The following EDIL3 variants were observed in gnomAD, a reference collection of about 807,000 sequenced individuals.
The protein encoded by EDIL3 is EGF-like repeat and discoidin I-like domain-containing protein 3.
Under a neutral mutation model 67.4 loss-of-function variants are expected in EDIL3, and 37 were observed. The ratio of observed to expected loss-of-function variants is 0.55; its 90% confidence interval spans 0.42 to 0.72. EDIL3 has a LOEUF of 0.72. Among genes scored for constraint, EDIL3 ranks in the 30% least tolerant of loss-of-function variants. The pLI is 0.00. For missense variants in EDIL3, 527 were observed against 586.3 expected (o/e 0.90, Z 1.04); for synonymous variants, 195 against 196.3 (o/e 0.99, Z 0.05).
intron 1 of EDIL3, among the ~76,000 whole-genome samples, chr5:84,306,941 G>T (rs913584753): frequency 3.3e-5 from 5 of 152,244 alleles, no homozygotes; most frequent in South Asian, 2.1e-4. Flanking sequence ...CACAATACTT[G>T]ATACACAGTG....
At chr5:84,214,382 C>T (rs1216137725) in intron 3 of EDIL3, among the ~76,000 whole-genome samples, 2 of 152,006 alleles carry the variant, frequency 1.3e-5, no homozygotes, top group African/African-American at 2.4e-5. Flanking sequence ...TATTTGCATA[C>T]AACCTATGTA....
At chr5:84,061,653 G>T (rs574382000) in intron 8 of EDIL3, among the ~76,000 whole-genome samples, 1 of 152,152 alleles carries the variant, frequency 6.6e-6, no homozygotes, top group African/African-American at 2.4e-5. Flanking sequence ...CTGTAAGATG[G>T]TGATAATAAT....
At chr5:84,230,158 T>G (rs2112043325) in intron 2 of EDIL3, among the ~76,000 whole-genome samples, 1 of 152,220 alleles carries the variant, frequency 6.6e-6, no homozygotes, top group South Asian at 2.1e-4. Context: ...AGAAAAAAAT[T>G]GAATTGTCTG....
chr5:84,102,653 G>T (rs1041129706), intron 6 of EDIL3, among the ~76,000 whole-genome samples: 3 of 150,500 alleles, frequency 2.0e-5, no homozygotes, highest in African/African-American at 7.3e-5. Flanking sequence ...ACCCTCCTAG[G>T]AATACAGCTT....
rs891297853 is a variant in EDIL3, at chr5:84,297,863, A to G, written c.68-43651T>C. ...CAAGAAACAAGGAGCCAGCAAGTCT[A>G]GACACATTCCAGAGCCACGAGCCCT... On this transcript the variant is annotated intron_variant, in intron 1 of 10. Transcript: ENST00000296591. 3.9e-5 allele frequency among the ~76,000 whole-genome samples: 6 copies of G among 152,176 alleles called. No homozygotes were observed. The East Asian group carries it at 7.7e-4, about 20-fold the overall frequency.
At chr5:84,218,210 G>A (rs1744270704) in intron 3 of EDIL3, among the ~76,000 whole-genome samples, 2 of 152,080 alleles carry the variant, frequency 1.3e-5, no homozygotes, top group Non-Finnish European at 2.9e-5. Context: ...AAAATTTTGT[G>A]TTTTGGCTGT....
chr5:84,006,385 AAACAT>A (rs773791234), intron 9 of EDIL3, among the ~76,000 whole-genome samples: 4 of 143,752 alleles, frequency 2.8e-5, no homozygotes, highest in African/African-American at 5.5e-5. Flanking sequence ...AAACAAAACA[AAACAT>A]AACAGAATCA....
intron 9 of EDIL3, among the ~76,000 whole-genome samples, chr5:84,005,334 T>C (rs1745393507): frequency 6.6e-6 from 1 of 152,066 alleles, no homozygotes; most frequent in Non-Finnish European, 1.5e-5. Flanking sequence ...ATGAGGACAG[T>C]ATCATTCTGA....
chr5:84,334,069 T>C (rs1746934151), intron 1 of EDIL3, among the ~76,000 whole-genome samples: 1 of 40,566 alleles, frequency 2.5e-5, no homozygotes, highest in African/African-American at 9.4e-5. Context: ...AAGAGTTGAT[T>C]TTTTTTTTTT....
rs73146557 is a variant in EDIL3, at chr5:84,381,913, T to C, written c.67+2395A>G. 2.3e-3 allele frequency among the ~76,000 whole-genome samples: 354 copies of C among 152,284 alleles called. 1 individual carries two copies. The highest frequency in any genetic ancestry group is 8.3e-3 in the African/African-American group (343 of 41,550). On this transcript the variant is annotated intron_variant, in intron 1 of 10. Transcript: ENST00000296591. ...AATCCCAGGCATTAATGCAAGTAAA[T>C]TGCAACCCATACGTAGGGAAAACAC...
chr5:84,147,029 C>T (rs548651369), intron 4 of EDIL3, among the ~76,000 whole-genome samples: 13 of 152,228 alleles, frequency 8.5e-5, no homozygotes, highest in African/African-American at 2.9e-4. Flanking sequence ...AAACCCTCCC[C>T]TACACCCACA....
At chr5:83,954,460 T>C (rs1488205762) in intron 10 of EDIL3, among the ~76,000 whole-genome samples, 1 of 151,534 alleles carries the variant, frequency 6.6e-6, no homozygotes, top group Non-Finnish European at 1.5e-5. Flanking sequence ...GAAGAGCTGG[T>C]TGTTAAAAAA....
At chr5:84,127,895 C>A (rs1205120830) in intron 5 of EDIL3, among the ~76,000 whole-genome samples, 1 of 152,080 alleles carries the variant, frequency 6.6e-6, no homozygotes, top group Non-Finnish European at 1.5e-5. Flanking sequence ...GTTACCAATG[C>A]TTTCCTTAAC....
chr5:84,247,657 T>C (rs1744934970), intron 2 of EDIL3, among the ~76,000 whole-genome samples: 1 of 152,090 alleles, frequency 6.6e-6, no homozygotes, highest in South Asian at 2.1e-4. Flanking sequence ...AGAAAAGGGA[T>C]ATCATTACCA....
chr5:83,949,396 TA>T (rs1478171617), intron 10 of EDIL3, among the ~76,000 whole-genome samples: 1 of 151,882 alleles, frequency 6.6e-6, no homozygotes, highest in Non-Finnish European at 1.5e-5. Flanking sequence ...ATGATAAAGT[TA>T]CATGTCCCAG....
chr5:84,237,070 T>TCACACACA (rs1744696395), intron 2 of EDIL3, among the ~76,000 whole-genome samples: 2 of 152,030 alleles, frequency 1.3e-5, no homozygotes, highest in African/African-American at 4.8e-5. Context: ...TTTCAGATGG[T>TCACACACA]CACAGCATCC....
intron 3 of EDIL3, among the ~76,000 whole-genome samples, chr5:84,224,305 T>C (rs141995189): frequency 2.6e-5 from 4 of 151,622 alleles, no homozygotes; most frequent in Admixed American, 1.3e-4. Context: ...TTTCTAAATA[T>C]CTAAAATTAT....
At chr5:84,150,898 G>T (rs368110132) in intron 4 of EDIL3, among the ~76,000 whole-genome samples, 7 of 152,184 alleles carry the variant, frequency 4.6e-5, no homozygotes, top group Middle Eastern at 3.4e-3. Flanking sequence ...TAGTTATGCT[G>T]AGTGAAATAA....
chr5:84,161,164 C>G (rs576513915), intron 4 of EDIL3, among the ~76,000 whole-genome samples: 1 of 152,098 alleles, frequency 6.6e-6, no homozygotes, highest in Admixed American at 6.6e-5. Flanking sequence ...TTGTGAATGC[C>G]ATGACTTTGT....
Sources: allele counts gnomAD v4.1 joint callset (sites outside exome capture counted in the v4.1 genomes callset), GRCh38; gene constraint gnomAD v4.1.1; transcripts MANE v1.5; gene names NCBI Gene and HGNC (gene_info 2026-07-23, HGNC 2026-07-21).